Variants in ATP8A2 observed in about 807,000 individuals in gnomAD.
ATP8A2 encodes the protein phospholipid-transporting ATPase IB.
A neutral mutation model predicts 165.6 loss-of-function variants in ATP8A2; 100 were observed. The observed-to-expected ratio is 0.60, with a 90% CI of 0.51 to 0.71. The LOEUF (loss-of-function observed/expected upper bound fraction) is 0.71. Ranked by LOEUF, ATP8A2 falls within the 30% of genes least tolerant of loss-of-function variation. ATP8A2 has a pLI of 0.00. For synonymous variants in ATP8A2, 543 were observed against 548.8 expected, an observed-to-expected ratio of 0.99 and a Z score of 0.15; for missense variants, 1,227 against 1,479.5, an observed-to-expected ratio of 0.83 and a Z score of 2.80.
intron 27 of ATP8A2, among the ~76,000 whole-genome samples, chr13:25,805,798 T>G (rs1290280312): frequency 6.6e-6 from 1 of 152,198 alleles, no homozygotes; most frequent in Non-Finnish European, 1.5e-5. Context: ...TAGATCAATG[T>G]AAGAACTTAT....
intron 24 of ATP8A2, among the ~76,000 whole-genome samples, chr13:25,643,923 A>T (rs1404149855): frequency 5.3e-5 from 8 of 150,250 alleles, no homozygotes; most frequent in Admixed American, 4.6e-4. Flanking sequence ...ATCTTTTTCC[A>T]TTTCTTTCTT....
chr13:25,864,818 A>G lies in ATP8A2; in HGVS notation c.3183+2410A>G, dbSNP rs543203234. 1.1e-3 allele frequency among the ~76,000 whole-genome samples: 165 copies of G among 152,266 alleles called. 1 individual carries two copies. Among genetic ancestry groups the G allele is most frequent in the Admixed American group, 2.0e-3 (30 of 15,284 alleles). The stretch of plus-strand genomic sequence containing the variant: ...TTCCGAGTAGGTACTCTGCTGTCTG[A>G]GTCTAAAGAACTGTGTATCATCTCT... On this transcript the variant is annotated intron_variant, in intron 33 of 36. Transcript: ENST00000381655.
chr13:25,799,969 T>C lies in ATP8A2; in HGVS notation c.2679+25010T>C, dbSNP rs375225932. ...AGGTGAATGAAACCTTTGCTGGTGG[T>C]TCCATATATTCTACCATAATCGTAA... is the stretch of plus-strand genomic sequence containing the variant. On this transcript the variant is annotated intron_variant, in intron 27 of 36. Coordinates refer to ENST00000381655, the MANE Select transcript of ATP8A2 (RefSeq NM_016529.6). Among the ~76,000 whole-genome samples the C allele has an allele frequency of 8.0e-4, 122 of 152,348 alleles. 1 individual carries two copies. The highest frequency in any genetic ancestry group is 3.1e-3 in the South Asian group (15 of 4,828).
At chr13:25,482,958 G>A (rs889631607) in intron 2 of ATP8A2, among the ~76,000 whole-genome samples, 5 of 152,144 alleles carry the variant, frequency 3.3e-5, no homozygotes, top group African/African-American at 4.8e-5. Flanking sequence ...GCGTGAAAAC[G>A]GACTAATACA....
intron 30 of ATP8A2, among the ~76,000 whole-genome samples, chr13:25,855,284 C>A (rs1952128232): frequency 6.6e-6 from 1 of 151,072 alleles, no homozygotes; most frequent in South Asian, 2.1e-4. Context: ...CTCCCCATTT[C>A]TCCCAAGCAC....
At chr13:25,592,485 G>C (rs1019392115) in intron 24 of ATP8A2, among the ~76,000 whole-genome samples, 66 of 152,222 alleles carry the variant, frequency 4.3e-4, no homozygotes, top group Admixed American at 2.6e-4. Flanking sequence ...ATGTTACTAA[G>C]AAGTAGAAAA....
intron 1 of ATP8A2, among the ~76,000 whole-genome samples, chr13:25,468,640 C>T (rs1347099092): frequency 6.6e-6 from 1 of 152,154 alleles, no homozygotes; most frequent in East Asian, 1.9e-4. Flanking sequence ...TCGCCCACCC[C>T]GGCCCGACAA....
chr13:25,644,104 C>T (rs549288189), intron 24 of ATP8A2, among the ~76,000 whole-genome samples: 1 of 152,016 alleles, frequency 6.6e-6, no homozygotes, highest in African/African-American at 2.4e-5. Context: ...TTAGATTTTG[C>T]AACTTTATTG....
intron 25 of ATP8A2, among the ~76,000 whole-genome samples, chr13:25,715,851 T>A (rs183053661): frequency 1.1e-4 from 17 of 152,336 alleles, no homozygotes; most frequent in African/African-American, 3.8e-4. Context: ...ATGGTCACTC[T>A]ATGGTTAACC....
chr13:25,696,148 G>C (rs2042829545), intron 24 of ATP8A2, among the ~76,000 whole-genome samples: 1 of 152,228 alleles, frequency 6.6e-6, no homozygotes, highest in Non-Finnish European at 1.5e-5. Context: ...TTAGTGAGCA[G>C]TAATATTTTG....
chr13:25,735,670 G>T (rs1250397095), intron 25 of ATP8A2, among the ~76,000 whole-genome samples: 2 of 152,284 alleles, frequency 1.3e-5, no homozygotes, highest in Non-Finnish European at 2.9e-5. Flanking sequence ...GTATAGTCGT[G>T]CACCATATGA....
chr13:25,839,711 G>A (rs1951711069), intron 30 of ATP8A2, 87 bp downstream of exon 30: 1 of 1,079,308 alleles, frequency 9.3e-7, no homozygotes, highest in Admixed American at 1.7e-5. Context: ...TTCCAGTTCT[G>A]CAGAACAAGA....
chr13:25,512,274 C>G (rs770724380), intron 2 of ATP8A2, among the ~76,000 whole-genome samples: 1 of 152,238 alleles, frequency 6.6e-6, no homozygotes, highest in Non-Finnish European at 1.5e-5. Flanking sequence ...TCTCCCATGT[C>G]TACCTCTTTC....
intron 1 of ATP8A2, among the ~76,000 whole-genome samples, chr13:25,378,859 A>G (rs2032736721): frequency 6.6e-6 from 1 of 152,264 alleles, no homozygotes; most frequent in Non-Finnish European, 1.5e-5. Context: ...TGGTGCTGTG[A>G]GAACAAAGAT....
At chr13:25,616,568 G>T (rs1318567882) in intron 24 of ATP8A2, among the ~76,000 whole-genome samples, 1 of 151,954 alleles carries the variant, frequency 6.6e-6, no homozygotes, top group Non-Finnish European at 1.5e-5. Flanking sequence ...CTGACCTCAG[G>T]CAATCCACCC....
intron 33 of ATP8A2, among the ~76,000 whole-genome samples, chr13:25,913,784 A>G (rs1014607127): frequency 4.6e-5 from 7 of 152,206 alleles, no homozygotes; most frequent in African/African-American, 1.7e-4. Flanking sequence ...TATAGTGTAC[A>G]AAGTCTTTCT....
intron 24 of ATP8A2, among the ~76,000 whole-genome samples, chr13:25,687,434 C>T (rs1421936157): frequency 6.6e-6 from 1 of 152,154 alleles, no homozygotes; most frequent in African/African-American, 2.4e-5. Flanking sequence ...GCTGTCCAGG[C>T]ACAGCAGTGT....
chr13:25,814,348 A>C lies in ATP8A2; in HGVS notation c.2680-13770A>C, dbSNP rs754533967. ...GAGATTGCATTGAGTCTGTAGACTC[A>C]AAATCCCAGTGACATTTTTTGCAAA... On this transcript the variant is annotated intron_variant, in intron 27 of 36. Coordinates refer to ENST00000381655, the MANE Select transcript of ATP8A2 (RefSeq NM_016529.6). 1.8e-4 allele frequency among the ~76,000 whole-genome samples: 27 copies of C among 152,296 alleles called. 1 individual carries two copies. The highest frequency in any genetic ancestry group is 3.2e-4 in the Non-Finnish European group (22 of 68,024).
chr13:25,714,636 A>C (rs1207950784), intron 25 of ATP8A2, among the ~76,000 whole-genome samples: 1 of 152,214 alleles, frequency 6.6e-6, no homozygotes, highest in Admixed American at 6.5e-5. Context: ...TGAATGAATG[A>C]ATGATGTGAT....
Sources: allele counts gnomAD v4.1 joint callset (sites outside exome capture counted in the v4.1 genomes callset), GRCh38; gene constraint gnomAD v4.1.1; transcripts MANE v1.5; gene names NCBI Gene and HGNC (gene_info 2026-07-23, HGNC 2026-07-21).